Variants in CSMD1 observed in about 807,000 individuals in gnomAD.
CSMD1 encodes the protein CUB and Sushi multiple domains 1, also known as CUB and sushi domain-containing protein 1.
A neutral mutation model predicts 417.5 loss-of-function variants in CSMD1; 213 were observed. That is an observed-to-expected ratio of 0.51 (90% CI 0.46 to 0.57). The LOEUF (loss-of-function observed/expected upper bound fraction) is 0.57. Ranked by LOEUF, CSMD1 falls within the 20% of genes least tolerant of loss-of-function variation. The pLI is 0.00. For synonymous variants in CSMD1, 2,862 were observed against 1,736.8 expected (o/e 1.65, Z -16.11); for missense variants, 6,923 against 4,529.7 (o/e 1.53, Z -15.17).
At chr8:3,315,716 G>A (rs1805706925) in intron 23 of CSMD1, among the ~76,000 whole-genome samples, 1 of 152,042 alleles carries the variant, frequency 6.6e-6, no homozygotes, top group African/African-American at 2.4e-5. Flanking sequence ...TGAACTTAAG[G>A]TAAAACATCA....
intron 7 of CSMD1, among the ~76,000 whole-genome samples, chr8:3,652,736 G>C (rs896327211): frequency 2.6e-5 from 4 of 152,150 alleles, no homozygotes; most frequent in Non-Finnish European, 5.9e-5. Context: ...CCCCTAACAA[G>C]TGGGGATTAT....
intron 5 of CSMD1, among the ~76,000 whole-genome samples, chr8:3,925,272 C>T (rs17067995): frequency 0.016 from 2,466 of 152,274 alleles, 183 homozygotes; most frequent in Admixed American, 0.12. Context: ...TGTGCTTCAG[C>T]GATTGCTACA....
Position 4,266,155 on chromosome 8 carries a change from T to C in CSMD1, c.415+153798A>G, listed in dbSNP as rs536246846. On this transcript the variant is annotated intron_variant, in intron 3 of 69. Coordinates refer to ENST00000635120, the MANE Select transcript of CSMD1 (RefSeq NM_033225.6). The stretch of plus-strand genomic sequence containing the variant: ...ACCACCTTTTTACTTCAGCTACTCA[T>C]CTACCACCAAAAACCCAGTGTTATT... Among the ~76,000 whole-genome samples the C allele has an allele frequency of 3.2e-3, 339 of 104,984 alleles. 118 individuals are homozygous for C. Among genetic ancestry groups the C allele is most frequent in the Non-Finnish European group, 6.3e-3 (245 of 39,086 alleles). 68.9% of individuals were successfully genotyped at this position (104,984 alleles called of 152,430 possible).
chr8:3,378,374 G>C (rs925467742), intron 18 of CSMD1, among the ~76,000 whole-genome samples: 1 of 152,142 alleles, frequency 6.6e-6, no homozygotes, highest in Non-Finnish European at 1.5e-5. Flanking sequence ...ATAAAAAAGA[G>C]GGACTCCTCC....
At chr8:4,033,437 G>A (rs186235762) in intron 3 of CSMD1, among the ~76,000 whole-genome samples, 8 of 152,236 alleles carry the variant, frequency 5.3e-5, no homozygotes, top group East Asian at 3.9e-4. Context: ...GCGAGACTCC[G>A]CCTCAAAAAA....
chr8:3,774,031 T>C (rs1434490555), intron 5 of CSMD1, among the ~76,000 whole-genome samples: 1 of 152,152 alleles, frequency 6.6e-6, no homozygotes, highest in Admixed American at 6.5e-5. Context: ...ATCCTACCTA[T>C]CTTTCATTCT....
intron 3 of CSMD1, among the ~76,000 whole-genome samples, chr8:4,214,469 TG>T (rs1800512221): frequency 6.6e-6 from 1 of 151,098 alleles, no homozygotes; most frequent in Non-Finnish European, 1.5e-5. Flanking sequence ...GGCTAATGTT[TG>T]TATTTTTGGT....
intron 1 of CSMD1, among the ~76,000 whole-genome samples, chr8:4,660,629 G>A (rs1361743232): frequency 6.6e-6 from 1 of 151,986 alleles, no homozygotes; most frequent in Non-Finnish European, 1.5e-5. Flanking sequence ...ATAAATTATA[G>A]TTCAGCAAAA....
At chr8:3,970,444 A>G (rs1008776623) in intron 5 of CSMD1, among the ~76,000 whole-genome samples, 1 of 152,172 alleles carries the variant, frequency 6.6e-6, no homozygotes, top group Non-Finnish European at 1.5e-5. Flanking sequence ...GGACATGGCC[A>G]TGAGAAACTC....
chr8:3,055,978 G>A (rs1170039106), intron 49 of CSMD1, among the ~76,000 whole-genome samples: 2 of 152,146 alleles, frequency 1.3e-5, no homozygotes, highest in Admixed American at 1.3e-4. Context: ...CTGTCCACAC[G>A]ACATAGGCAT....
chr8:3,796,801 T>G (rs1012889912), intron 5 of CSMD1, among the ~76,000 whole-genome samples: 7 of 151,396 alleles, frequency 4.6e-5, no homozygotes, highest in Non-Finnish European at 8.9e-5. Context: ...ATTCACTTCA[T>G]TTTCATGGTA....
rs185575328 is a variant in CSMD1, at chr8:4,087,284, C to T, written c.416-55185G>A. ...AGTTCAACTTCTCTTGCTCACTCTC[C>T]TTCCTTCTCCTTCCTGCAGGTGATT... On this transcript the variant is annotated intron_variant, in intron 3 of 69. Coordinates refer to ENST00000635120, the MANE Select transcript of CSMD1 (RefSeq NM_033225.6). Among the ~76,000 whole-genome samples, 478 of 152,254 alleles carry T rather than the reference C, an allele frequency of 3.1e-3. 5 individuals carry two copies. The highest frequency in any genetic ancestry group is 0.011 in the African/African-American group (450 of 41,514).
At chr8:4,239,755 G>T (rs1252709953) in intron 3 of CSMD1, among the ~76,000 whole-genome samples, 1 of 152,296 alleles carries the variant, frequency 6.6e-6, no homozygotes, top group East Asian at 1.9e-4. Flanking sequence ...GTTTCTTAAT[G>T]ATGACAATGG....
chr8:4,212,178 A>G (rs1049942558), intron 3 of CSMD1, among the ~76,000 whole-genome samples: 3 of 143,294 alleles, frequency 2.1e-5, no homozygotes, highest in Non-Finnish European at 4.7e-5. Flanking sequence ...CCCTATTTAT[A>G]TATATATATA....
intron 7 of CSMD1, among the ~76,000 whole-genome samples, chr8:3,673,927 G>A (rs1175183916): frequency 2.0e-5 from 3 of 152,062 alleles, no homozygotes; most frequent in Non-Finnish European, 4.4e-5. Flanking sequence ...AGACGAGCCT[G>A]GGCAACATGG....
At chr8:4,009,524 G>A (rs997004623) in intron 4 of CSMD1, among the ~76,000 whole-genome samples, 2 of 152,152 alleles carry the variant, frequency 1.3e-5, no homozygotes, top group African/African-American at 4.8e-5. Context: ...TTCCTTCAGT[G>A]AATTTCTAAG....
At position 3,834,360 on chromosome 8, in the gene CSMD1, T is replaced by A. The variant is rs181144739; in HGVS notation, c.819-80318A>T. 4.3e-4 allele frequency among the ~76,000 whole-genome samples: 65 copies of A among 152,232 alleles called. No homozygotes were observed. In the East Asian group the frequency reaches 0.011, roughly 25 times the overall value. ...TTATAGGTAAGGTGGGGACTGAGTT[T>A]AACCTTGTCTGCAGTTAATCAACCA... is the stretch of plus-strand genomic sequence containing the variant. On this transcript the variant is annotated intron_variant, in intron 5 of 69. Transcript: ENST00000635120.
At chr8:4,349,848 A>C (rs1200684279) in intron 3 of CSMD1, among the ~76,000 whole-genome samples, 2 of 143,710 alleles carry the variant, frequency 1.4e-5, no homozygotes, top group Non-Finnish European at 3.0e-5. Context: ...AGTTTAGGTT[A>C]CTTTTTAACT....
chr8:2,993,534 T>G (rs1311491784), intron 54 of CSMD1, among the ~76,000 whole-genome samples: 2 of 152,190 alleles, frequency 1.3e-5, no homozygotes, highest in African/African-American at 4.8e-5. Flanking sequence ...TAAAAATATT[T>G]TTTAGGAAGT....
Sources: allele counts gnomAD v4.1 joint callset (sites outside exome capture counted in the v4.1 genomes callset), GRCh38; gene constraint gnomAD v4.1.1; transcripts MANE v1.5; gene names NCBI Gene and HGNC (gene_info 2026-07-23, HGNC 2026-07-21).